Variants in GPR155 observed in about 807,000 individuals in gnomAD.
GPR155 encodes G protein-coupled receptor 155, also known as lysosomal cholesterol signaling protein.
Under a neutral mutation model 93.1 loss-of-function variants are expected in GPR155, and 65 were observed. The ratio of observed to expected loss-of-function variants is 0.70; its 90% CI spans 0.57 to 0.86. The LOEUF (loss-of-function observed/expected upper bound fraction) is 0.86, where lower values mean the gene tolerates loss of function less well. GPR155 is among the 40% of genes least tolerant of loss of function. The pLI, the probability that GPR155 is intolerant of heterozygous loss-of-function variation, is 0.00. For missense variants in GPR155, 838 were observed against 1,034.8 expected, an observed-to-expected ratio of 0.81 and a Z score of 2.61; for synonymous variants, 319 against 360.1, an observed-to-expected ratio of 0.89 and a Z score of 1.29.
chr2:174,449,332 G>T (rs796834938), intron 11 of GPR155, among the ~76,000 whole-genome samples: 5 of 152,246 alleles, frequency 3.3e-5, no homozygotes, highest in African/African-American at 1.2e-4. Flanking sequence ...ATTTCTCAAA[G>T]AACTTAGAAC....
intron 11 of GPR155, among the ~76,000 whole-genome samples, chr2:174,447,614 A>G (rs1687179444): frequency 1.4e-5 from 2 of 146,166 alleles, no homozygotes; most frequent in Non-Finnish European, 3.0e-5. Context: ...AATTATATTT[A>G]TAATTTACAT....
At chr2:174,444,312 G>T (rs1407896589) in intron 13 of GPR155, among the ~76,000 whole-genome samples, 2 of 151,686 alleles carry the variant, frequency 1.3e-5, no homozygotes, top group Non-Finnish European at 2.9e-5. Context: ...CTACTCAGGA[G>T]GCTGAGACAG....
intron 11 of GPR155, among the ~76,000 whole-genome samples, chr2:174,449,952 G>A (rs776227062): frequency 4.6e-5 from 7 of 152,094 alleles, no homozygotes; most frequent in Non-Finnish European, 8.8e-5. Flanking sequence ...CTCCAGCCTG[G>A]ACGACAGAGC....
intron 6 of GPR155, 58 bp from the exon 7 acceptor site, chr2:174,465,960 T>A: frequency 1.4e-6 from 1 of 733,386 alleles, no homozygotes; most frequent in Non-Finnish European, 2.4e-6. Flanking sequence ...TATAATTCAA[T>A]ACTGCAACAG....
chr2:174,461,328 T>C (rs1386156359), intron 9 of GPR155, 74 bp downstream of exon 9: 1 of 838,374 alleles, frequency 1.2e-6, no homozygotes, highest in African/African-American at 1.7e-5. Context: ...AATTTTAATA[T>C]AAGTCTAGCA....
At chr2:174,442,011 G>A (rs895474379) in intron 14 of GPR155, 108 bp downstream of exon 14, 2 of 707,582 alleles carry the variant, frequency 2.8e-6, no homozygotes, top group Non-Finnish European at 2.6e-6. Context: ...GCCTCCCAAA[G>A]TACTGGGATT....
rs1181270321 is a variant in GPR155, at chr2:174,459,913, T to A, written c.1736A>T (p.Glu579Val). ...AATAGAGCTTGTAAAAAGTTCTGGTTCATTTACTGGTGCTGGACTCTCCTC... is the reference window on the plus strand; with the variant it reads ...AATAGAGCTTGTAAAAAGTTCTGGTACATTTACTGGTGCTGGACTCTCCTC... ...AFEESPAPVN[E>V]PELFTSSIPE... The change falls in exon 10 of 16, where the codon GAA (glutamate) becomes GTA (valine). Residue 579 changes from glutamate to valine, a missense_variant. Around this residue, in one of 3 missense-constraint regions of GPR155, gnomAD observed 663 missense variants for 790.1 expected, o/e 0.84. Transcript: ENST00000392552. The A allele has an allele frequency of 1.9e-6, 3 of 1,613,860 alleles. No homozygotes were observed. Among genetic ancestry groups the A allele is most frequent in the Admixed American group, 1.7e-5 (1 of 60,006 alleles).
At chr2:174,457,659 G>C (rs1475720349) in intron 10 of GPR155, among the ~76,000 whole-genome samples, 1 of 152,172 alleles carries the variant, frequency 6.6e-6, no homozygotes, top group Non-Finnish European at 1.5e-5. Flanking sequence ...GTTTCACCAT[G>C]TTAGCCAGGC....
In GPR155 at chr2:174,433,033, G is replaced by A. The variant is rs1312861304; in HGVS notation, c.*3083C>T. 1 of 151,720 alleles carries A rather than the reference G, an allele frequency of 6.6e-6. No individual in the cohort carries two copies. The highest frequency in any genetic ancestry group is 2.4e-5 in the African/African-American group (1 of 41,254). 9.4% of individuals were successfully genotyped at this position (151,720 alleles called of 1,614,324 possible). On this transcript the variant is annotated 3_prime_UTR_variant, in exon 16 of 16. Transcript: ENST00000392552. ...CAGCCTCGACCTCCCAAAGTGCTGGGATTGCAGGTATGAACCACCGCGCCT... is the reference window on the plus strand; with the variant it reads ...CAGCCTCGACCTCCCAAAGTGCTGGAATTGCAGGTATGAACCACCGCGCCT...
chr2:174,463,120 T>A lies in GPR155; in HGVS notation c.1385-1448A>T, dbSNP rs564009413. Among the ~76,000 whole-genome samples, 9 of 68,236 alleles carry A rather than the reference T, an allele frequency of 1.3e-4. No homozygotes were observed. In the South Asian group the frequency reaches 6.8e-3, roughly 51 times the overall value. 44.8% of individuals were successfully genotyped at this position (68,236 alleles called of 152,430 possible). ...ATGAGAAATTTTAAGTCTTTTTTTTTTCTTTCTTTTTTTTTTTTCAGTGGT... is the reference window on the plus strand; with the variant it reads ...ATGAGAAATTTTAAGTCTTTTTTTTATCTTTCTTTTTTTTTTTTCAGTGGT... On this transcript the variant is annotated intron_variant, in intron 7 of 15. Transcript: ENST00000392552.
At position 174,436,419 on chromosome 2, in the gene GPR155, G is replaced by C; in HGVS notation, c.2313-3C>G. ...CAGCAGAAGTCTTTGCACCACACCT[G>C]TGTCAAAGGAATGATTCACCCATAT... On this transcript the variant is annotated splice_polypyrimidine_tract_variant and splice_region_variant and intron_variant, in intron 15 of 15. Transcript: ENST00000392552. The C allele has an allele frequency of 6.2e-7, 1 of 1,613,154 alleles. No individual in the cohort carries two copies. Among genetic ancestry groups the C allele is most frequent in the Non-Finnish European group, 8.5e-7 (1 of 1,179,332 alleles).
rs550981120 is a variant in GPR155 at position 174,450,552 on chromosome 2, A to G, written c.1876+3185T>C. ...GTATTATATGCCATGTTTTGTTCACATATGGATACAAACACAAGTCACAGG... is the reference window on the plus strand; with the variant it reads ...GTATTATATGCCATGTTTTGTTCACGTATGGATACAAACACAAGTCACAGG... On this transcript the variant is annotated intron_variant, in intron 11 of 15. Transcript: ENST00000392552. 2.0e-3 allele frequency among the ~76,000 whole-genome samples: 303 copies of G among 152,350 alleles called. 2 individuals are homozygous for G. The highest frequency in any genetic ancestry group is 0.017 in the Middle Eastern group (5 of 294).
At chr2:174,458,131 C>G (rs1687574983) in intron 10 of GPR155, among the ~76,000 whole-genome samples, 1 of 152,090 alleles carries the variant, frequency 6.6e-6, no homozygotes, top group Non-Finnish European at 1.5e-5. Flanking sequence ...TTTTTAGTTG[C>G]TCATAAATTC....
chr2:174,443,522 A>G (rs1392385411), intron 13 of GPR155, among the ~76,000 whole-genome samples: 1 of 152,220 alleles, frequency 6.6e-6, no homozygotes, highest in Non-Finnish European at 1.5e-5. Flanking sequence ...TGAGGTCAGG[A>G]GTTCAAGACC....
chr2:174,473,128 G>C lies in GPR155; in HGVS notation c.697C>G (p.Leu233Val), dbSNP rs369595816. The change falls in exon 3 of 16, where the codon CTT becomes GTT. Residue 233 changes from leucine to valine, a missense_variant. Coordinates refer to ENST00000392552, the MANE Select transcript of GPR155 (RefSeq NM_152529.7). Reference protein sequence around the residue: ...VFIGIAFNFILDRKVPVYVEN... With the variant: ...VFIGIAFNFIVDRKVPVYVEN... The stretch of plus-strand genomic sequence containing the variant: ...ACATATACAGGTACCTTTCGATCAA[G>C]AATAAAATTGAAGGCGATGCCAATG... The C allele has an allele frequency of 6.2e-7, 1 of 1,610,596 alleles. No individual in the cohort carries two copies. The highest frequency in any genetic ancestry group is 8.5e-7 in the Non-Finnish European group (1 of 1,179,292).
intron 10 of GPR155, among the ~76,000 whole-genome samples, chr2:174,455,222 C>G (rs188387956): frequency 5.3e-4 from 81 of 151,866 alleles, no homozygotes; most frequent in Admixed American, 1.4e-3. Context: ...AACAAAAACA[C>G]AAACAAATGA....
intron 5 of GPR155, 75 bp from the exon 6 acceptor site, chr2:174,466,702 A>G (rs75723170): frequency 2.6e-6 from 2 of 765,674 alleles, no homozygotes; most frequent in Admixed American, 2.4e-5. Context: ...CACAATGATT[A>G]GCCTCTTTAA....
At chr2:174,477,795 G>T (rs950656438) in intron 2 of GPR155, among the ~76,000 whole-genome samples, 1 of 152,164 alleles carries the variant, frequency 6.6e-6, no homozygotes, top group East Asian at 1.9e-4. Flanking sequence ...TATAAATAAG[G>T]CTCTTGGAGG....
At chr2:174,480,841 C>T (rs1380890184) in intron 2 of GPR155, among the ~76,000 whole-genome samples, 7 of 152,036 alleles carry the variant, frequency 4.6e-5, no homozygotes, top group Non-Finnish European at 8.8e-5. Flanking sequence ...ATAATATTGA[C>T]CCACTGCAAC....
Sources: gnomAD v4.1 joint callset for allele counts (sites outside exome capture counted in the v4.1 genomes callset) on GRCh38, gnomAD v4.1.1 for gene constraint, gnomAD v4.1.1 regional missense constraint, MANE v1.5 for transcripts, NCBI Gene and HGNC (gene_info 2026-07-23, HGNC 2026-07-21) for gene names.